Variants in MGAT1 observed in about 807,000 individuals in gnomAD.
The protein encoded by MGAT1 is alpha-1,3-mannosyl-glycoprotein 2-beta-N-acetylglucosaminyltransferase.
A neutral mutation model predicts 31.7 loss-of-function variants in MGAT1; 14 were observed. The ratio of observed to expected loss-of-function variants is 0.44; its 90% CI spans 0.29 to 0.69. The LOEUF (loss-of-function observed/expected upper bound fraction) is 0.69. Among genes scored for constraint, MGAT1 ranks in the 30% least tolerant of loss-of-function variants. MGAT1 has a pLI of 0.12. For missense variants in MGAT1, 557 were observed against 626.0 expected (o/e 0.89, Z 1.18); for synonymous variants, 338 against 276.0 (o/e 1.22, Z -2.23).
At chr5:180,797,607 T>C (rs2113358761) in intron 1 of MGAT1, among the ~76,000 whole-genome samples, 1 of 152,286 alleles carries the variant, frequency 6.6e-6, no homozygotes, top group Non-Finnish European at 1.5e-5. Flanking sequence ...TAGGACCTCC[T>C]GCCCCACCCT....
intron 1 of MGAT1, among the ~76,000 whole-genome samples, chr5:180,799,836 G>A (rs942034573): frequency 6.6e-6 from 1 of 152,158 alleles, no homozygotes; most frequent in Non-Finnish European, 1.5e-5. Flanking sequence ...CTCATAAAAG[G>A]CAGTAGTTTC....
upstream of MGAT1, among the ~76,000 whole-genome samples, chr5:180,805,657 G>A (rs1771751472): frequency 6.6e-6 from 1 of 152,154 alleles, no homozygotes; most frequent in Admixed American, 6.5e-5. Flanking sequence ...GGCTGAGGCA[G>A]GAGAATTGCT....
chr5:180,807,738 C>T (rs912214625), upstream of MGAT1, among the ~76,000 whole-genome samples: 1 of 152,236 alleles, frequency 6.6e-6, no homozygotes, highest in African/African-American at 2.4e-5. Context: ...GATCTATTCA[C>T]CTGTTCTACA....
intron 1 of MGAT1, among the ~76,000 whole-genome samples, chr5:180,812,059 TC>T (rs1772613041): frequency 6.6e-6 from 1 of 152,180 alleles, no homozygotes; most frequent in African/African-American, 2.4e-5. Flanking sequence ...GCTCACCACT[TC>T]CTGAAATACT....
intron 1 of MGAT1, among the ~76,000 whole-genome samples, chr5:180,800,868 G>A (rs114039993): frequency 0.014 from 2,131 of 152,312 alleles, 20 homozygotes; most frequent in Middle Eastern, 0.02. Context: ...ATCCTGACCT[G>A]AGTTCCTAAT....
Position 180,792,416 on chromosome 5 carries a change from C to T in MGAT1, c.556G>A (p.Ala186Thr). Reference protein sequence around the residue: ...HRKFQGYYKIARHYRWALGQV... With the variant: ...HRKFQGYYKITRHYRWALGQV... ...CCCAGCGCCCAGCGGTAGTGGCGCG[C>T]GATCTTGTAGTAGCCCTGGAACTTG... The change falls in exon 2 of 2, where the codon GCG (alanine) becomes ACG (threonine). Residue 186 changes from alanine to threonine, a missense_variant. This residue lies in a region of MGAT1 where 245 missense variants were observed against 332.9 expected (regional missense o/e 0.74). Coordinates refer to ENST00000307826, the MANE Select transcript of MGAT1 (RefSeq NM_002406.4). 1 of 1,610,380 alleles carries T rather than the reference C, an allele frequency of 6.2e-7. No homozygotes were observed. Among genetic ancestry groups the T allele is most frequent in the Non-Finnish European group, 8.5e-7 (1 of 1,177,802 alleles).
chr5:180,793,103 G>GACAGGAGAGAGAAAGCAAACCGTC lies in MGAT1; in HGVS notation c.-126-30_-126-7dup. ...ATTAGGAGGCAGCCATGCACCTAAA[G>GACAGGAGAGAGAAAGCAAACCGTC]ACAGGAGAGAGAAAGCAAACCGTCA... is the stretch of plus-strand genomic sequence containing the variant. On this transcript the variant is annotated splice_region_variant and splice_polypyrimidine_tract_variant and intron_variant, in intron 1 of 1. Coordinates refer to ENST00000307826, the MANE Select transcript of MGAT1 (RefSeq NM_002406.4). The GACAGGAGAGAGAAAGCAAACCGTC allele has an allele frequency of 1.8e-6, 2 of 1,100,740 alleles. No homozygotes were observed. 68.2% of individuals were successfully genotyped at this position (1,100,740 alleles called of 1,614,324 possible). A position where few individuals can be genotyped will look rare whatever the true frequency, so the allele number is the denominator to read the frequency against.
exon 2 of MGAT1, chr5:180,808,774 A>G (rs1200241620): frequency 6.6e-6 from 1 of 152,314 alleles, no homozygotes; most frequent in Admixed American, 6.5e-5. Context: ...ATCCAGGTCC[A>G]AAGTCCATGG....
At position 180,810,287 on chromosome 5, in the gene MGAT1, C is replaced by G. The variant is rs573982087; in HGVS notation, c.-545-1221G>C. The G allele has an allele frequency of 3.6e-4, 55 of 152,520 alleles. 1 individual carries two copies. Among genetic ancestry groups the G allele is most frequent in the African/African-American group, 1.3e-3 (53 of 41,576 alleles). 9.4% of individuals were successfully genotyped at this position (152,520 alleles called of 1,614,324 possible). Reference sequence around the variant, plus strand: ...CATTTTTCTACCCAACGTCCCCAGCCCGTCACCACCGCCACCACGGGAGCG... The same window carrying G: ...CATTTTTCTACCCAACGTCCCCAGCGCGTCACCACCGCCACCACGGGAGCG... On this transcript the variant is annotated intron_variant, in intron 1 of 2. Transcript: ENST00000333055.
chr5:180,807,698 G>T (rs1363639975), upstream of MGAT1, among the ~76,000 whole-genome samples: 1 of 152,188 alleles, frequency 6.6e-6, no homozygotes, highest in East Asian at 1.9e-4. Context: ...TGCAGTATCT[G>T]CAAGACTCCT....
intron 1 of MGAT1, among the ~76,000 whole-genome samples, chr5:180,798,957 C>T (rs1407023714): frequency 6.6e-6 from 1 of 152,150 alleles, no homozygotes; most frequent in Non-Finnish European, 1.5e-5. Flanking sequence ...CATGTCAAGC[C>T]CTCCAGCCCT....
In MGAT1 at chr5:180,788,827, C is replaced by G. The variant is rs1767756014; in HGVS notation, c.*2807G>C. 1 of 150,400 alleles carries G rather than the reference C, an allele frequency of 6.6e-6. No individual in the cohort carries two copies. The highest frequency in any genetic ancestry group is 1.5e-5 in the Non-Finnish European group (1 of 67,616). 9.3% of individuals were successfully genotyped at this position (150,400 alleles called of 1,614,324 possible). A position where few individuals can be genotyped will look rare whatever the true frequency, so the allele number is the denominator to read the frequency against. On this transcript the variant is annotated 3_prime_UTR_variant, in exon 2 of 2. Transcript: ENST00000307826. The stretch of plus-strand genomic sequence containing the variant: ...GAGCACTAAGTAAGTTGGTACTTAT[C>G]CTGGAGCACTAAGTTGGTACTTATC...
upstream of MGAT1, among the ~76,000 whole-genome samples, chr5:180,805,232 G>A (rs1771678282): frequency 2.8e-5 from 4 of 140,442 alleles, no homozygotes; most frequent in Non-Finnish European, 6.1e-5. Flanking sequence ...GATTAGACCA[G>A]ATTATCCAGG....
In MGAT1 at chr5:180,792,193, C is replaced by T. The variant is rs769149714; in HGVS notation, c.779G>A (p.Arg260His). The change falls in exon 2 of 2, where the codon CGC becomes CAC. Residue 260 changes from arginine to histidine, a missense_variant. Transcript: ENST00000307826. ...GCCCAGGCCAGGGAAAAAGTCGGTGCGGTAGAGCAGCTCAGGCCTGCTGGC... is the reference window on the plus strand; with the variant it reads ...GCCCAGGCCAGGGAAAAAGTCGGTGTGGTAGAGCAGCTCAGGCCTGCTGGC... ...VDASRPELLY[R>H]TDFFPGLGWL... 2 of 1,613,088 alleles carry T rather than the reference C, an allele frequency of 1.2e-6. No homozygotes were observed. Among genetic ancestry groups the T allele is most frequent in the South Asian group, 1.1e-5 (1 of 91,086 alleles).
chr5:180,802,473 C>T (rs894292896), intron 1 of MGAT1, among the ~76,000 whole-genome samples: 2 of 152,204 alleles, frequency 1.3e-5, no homozygotes, highest in African/African-American at 4.8e-5. Flanking sequence ...ATTCCGAAAG[C>T]AGAAGGCGGA....
intron 1 of MGAT1, among the ~76,000 whole-genome samples, chr5:180,811,975 A>T (rs529922566): frequency 1.3e-5 from 2 of 152,092 alleles, no homozygotes; most frequent in Admixed American, 1.3e-4. Flanking sequence ...GCCTTTCCTG[A>T]CCAACCTGTT....
intron 1 of MGAT1, among the ~76,000 whole-genome samples, chr5:180,800,292 A>G (rs1034995825): frequency 1.3e-5 from 2 of 152,232 alleles, no homozygotes; most frequent in Non-Finnish European, 2.9e-5. Flanking sequence ...TGCATAATAA[A>G]TTACCTCGAT....
At chr5:180,799,364 T>G (rs527339060) in intron 1 of MGAT1, among the ~76,000 whole-genome samples, 41 of 152,244 alleles carry the variant, frequency 2.7e-4, no homozygotes, top group Non-Finnish European at 4.9e-4. Context: ...ATCCTGGAAT[T>G]TGACCCACAG....
In MGAT1 at chr5:180,791,595, T is replaced by C. The variant is rs1448032145; in HGVS notation, c.*39A>G. On this transcript the variant is annotated 3_prime_UTR_variant, in exon 2 of 2. Coordinates refer to ENST00000307826, the MANE Select transcript of MGAT1 (RefSeq NM_002406.4). The stretch of plus-strand genomic sequence containing the variant: ...GGGACTGTGGTCCCACCTCAGCTCA[T>C]GATGTGGCAAGGAGGGGCCCAGGAA... 6 of 1,599,152 alleles carry C rather than the reference T, an allele frequency of 3.8e-6. No homozygotes were observed. Among genetic ancestry groups the C allele is most frequent in the East Asian group, 2.2e-5 (1 of 44,756 alleles).
Sources: allele counts gnomAD v4.1 joint callset (sites outside exome capture counted in the v4.1 genomes callset), GRCh38; gene constraint gnomAD v4.1.1; regional missense constraint gnomAD v4.1.1; transcripts MANE v1.5; gene names NCBI Gene and HGNC (gene_info 2026-07-23, HGNC 2026-07-21).